IQCH: variants seen among roughly 807,000 people sequenced by gnomAD.
The protein encoded by IQCH is IQ motif containing H.
IQCH carries 98 observed loss-of-function variants against 117.0 expected under a neutral mutation model. The ratio of observed to expected loss-of-function variants is 0.84; its 90% confidence interval spans 0.71 to 0.99. IQCH has a LOEUF of 0.99. Ranked by LOEUF, IQCH falls within the 50% of genes least tolerant of loss-of-function variation. The probability of loss-of-function intolerance (pLI) is 0.00; values close to 1 mark genes in which losing one functional copy is unlikely to be tolerated. For missense variants in IQCH, 1,102 were observed against 1,243.8 expected (o/e 0.89, Z 1.72); for synonymous variants, 412 against 448.2 (o/e 0.92, Z 1.02).
chr15:67,260,009 A>C (rs1965393607), intron 1 of IQCH, among the ~76,000 whole-genome samples: 2 of 152,250 alleles, frequency 1.3e-5, no homozygotes, highest in South Asian at 2.1e-4. Flanking sequence ...AATTGGCTCC[A>C]TGTGAACATT....
rs540782393 is a variant in IQCH at position 67,443,310 on chromosome 15, G to A, written c.2505+21733G>A. Among the ~76,000 whole-genome samples, 1 of 152,274 alleles carries A rather than the reference G, an allele frequency of 6.6e-6. No individual in the cohort carries two copies. The highest frequency in any genetic ancestry group is 1.5e-5 in the Non-Finnish European group (1 of 68,014). The stretch of plus-strand genomic sequence containing the variant: ...CCCAGCCTGGAGACTGTTATTCTAA[G>A]TGAAGTAACTCAGGAATGGAAAACC... On this transcript the variant is annotated intron_variant, in intron 16 of 20. Transcript: ENST00000335894. This position sits in a 1 kb window ranked among gnomAD's most constrained non-coding sequence, Gnocchi z 5.0.
At position 67,476,682 on chromosome 15, in the gene IQCH, T is replaced by C. The variant is rs1056027176; in HGVS notation, c.2799+864T>C. Among the ~76,000 whole-genome samples, 14 of 152,204 alleles carry C rather than the reference T, an allele frequency of 9.2e-5. No homozygotes were observed. Among genetic ancestry groups the C allele is most frequent in the African/African-American group, 3.4e-4 (14 of 41,454 alleles). Reference sequence around the variant, plus strand: ...GCAATGCAACGTCTCCTGCCAAAAATAGAACCTCTGTTTTATGCCTAGAGA... The same window carrying C: ...GCAATGCAACGTCTCCTGCCAAAAACAGAACCTCTGTTTTATGCCTAGAGA... On this transcript the variant is annotated intron_variant, in intron 18 of 20. Coordinates refer to ENST00000335894, the MANE Select transcript of IQCH (RefSeq NM_001031715.3). The surrounding 1 kb of genome is among the most constrained non-coding windows in gnomAD (Gnocchi z 4.1).
Position 67,369,338 on chromosome 15 carries a change from T to TTG in IQCH, c.754-2773_754-2772insTG, listed in dbSNP as rs1970441292. ...TGAATACAGGCATCTCGCAAAGGTA[T>TTG]GATTGTGACCCAAGAAGCACCAGGT... On this transcript the variant is annotated intron_variant, in intron 8 of 20. Coordinates refer to ENST00000335894, the MANE Select transcript of IQCH (RefSeq NM_001031715.3). This position sits in a 1 kb window ranked among gnomAD's most constrained non-coding sequence, Gnocchi z 5.2. 6.6e-6 allele frequency among the ~76,000 whole-genome samples: 1 copy of TTG among 152,110 alleles called. No homozygotes were observed.
rs1299502146 is a variant in IQCH at position 67,417,365 on chromosome 15, A to T, written c.2218+314A>T. 6.6e-6 allele frequency among the ~76,000 whole-genome samples: 1 copy of T among 152,172 alleles called. No individual in the cohort carries two copies. The highest frequency in any genetic ancestry group is 1.9e-4 in the East Asian group (1 of 5,200). ...GGTCTGGACCCCATCCATGACCTTG[A>T]GCAAGGTTCTTAAACCCACCAAGGC... On this transcript the variant is annotated intron_variant, in intron 15 of 20. Transcript: ENST00000335894. This position sits in a 1 kb window ranked among gnomAD's most constrained non-coding sequence, Gnocchi z 4.3.
Position 67,473,470 on chromosome 15 carries a change from A to G in IQCH, c.2677-2226A>G, listed in dbSNP as rs1037791761. ...TGCCCTGAGTTGTCCTTCTCTAAGG[A>G]TGGTGTGACTGTCCCCTGTGCCATG... On this transcript the variant is annotated intron_variant, in intron 17 of 20. Transcript: ENST00000335894. This position sits in a 1 kb window ranked among gnomAD's most constrained non-coding sequence, Gnocchi z 4.9. 6.6e-6 allele frequency among the ~76,000 whole-genome samples: 1 copy of G among 152,216 alleles called. No homozygotes were observed. The highest frequency in any genetic ancestry group is 2.4e-5 in the African/African-American group (1 of 41,452).
chr15:67,263,173 T>A lies in IQCH; in HGVS notation c.226T>A (p.Ser76Thr). 1 of 1,583,302 alleles carries A rather than the reference T, an allele frequency of 6.3e-7. No homozygotes were observed. Among genetic ancestry groups the A allele is most frequent in the Non-Finnish European group, 8.7e-7 (1 of 1,152,072 alleles). The change falls in exon 3 of 21, where the codon TCT becomes ACT. Residue 76 changes from serine (S) to threonine (T), a missense_variant. Coordinates refer to ENST00000335894, the MANE Select transcript of IQCH (RefSeq NM_001031715.3). Reference protein sequence around the residue: ...NVVNQNVLTTSVNDESLYTPQ... With the variant: ...NVVNQNVLTTTVNDESLYTPQ... ...TGTAAACCAGAATGTATTAACGACT[T>A]CTGTTAATGATGAGAGCTTATATAC...
intron 2 of IQCH, among the ~76,000 whole-genome samples, chr15:67,262,500 C>T (rs939238575): frequency 6.6e-6 from 1 of 152,052 alleles, no homozygotes; most frequent in South Asian, 2.1e-4. Context: ...AGGGATGGAC[C>T]CAGCTGGAGT....
rs150493357 is a variant in IQCH at position 67,384,208 on chromosome 15, T to A, written c.1373-728T>A. Among the ~76,000 whole-genome samples the A allele has an allele frequency of 6.6e-6, 1 of 152,266 alleles. No individual in the cohort carries two copies. The highest frequency in any genetic ancestry group is 2.4e-5 in the African/African-American group (1 of 41,566). On this transcript the variant is annotated intron_variant, in intron 10 of 20. Transcript: ENST00000335894. This position sits in a 1 kb window ranked among gnomAD's most constrained non-coding sequence, Gnocchi z 4.3. ...TTGTGAGTATGCATGCTTTTTAAGT[T>A]TATGTTTTGATTCACTTTTTTTAAT...
rs766888054 is a variant in IQCH at position 67,384,837 on chromosome 15, T to C, written c.1373-99T>C. The C allele has an allele frequency of 3.9e-6, 3 of 775,172 alleles. No individual in the cohort carries two copies. Among genetic ancestry groups the C allele is most frequent in the African/African-American group, 1.7e-5 (1 of 57,328 alleles). 48.0% of individuals were successfully genotyped at this position (775,172 alleles called of 1,614,324 possible). ...TGTAAGATGCTTCAGAGAAAATTTT[T>C]TCCTGGAAATATGGACTGTGACATT... is the stretch of plus-strand genomic sequence containing the variant. On this transcript the variant is annotated intron_variant, in intron 10 of 20. Transcript: ENST00000335894. This position sits in a 1 kb window ranked among gnomAD's most constrained non-coding sequence, Gnocchi z 4.3.
chr15:67,293,688 GA>G (rs984263046), intron 4 of IQCH, among the ~76,000 whole-genome samples: 1 of 152,184 alleles, frequency 6.6e-6, no homozygotes, highest in African/African-American at 2.4e-5. Context: ...GTTGGTGAGA[GA>G]AAAGCTGGGA....
At chr15:67,278,683 G>C (rs1417129187) in intron 3 of IQCH, among the ~76,000 whole-genome samples, 1 of 152,212 alleles carries the variant, frequency 6.6e-6, no homozygotes, top group Non-Finnish European at 1.5e-5. Flanking sequence ...AACTCCGTAA[G>C]TTGCTTTTTA....
intron 4 of IQCH, among the ~76,000 whole-genome samples, chr15:67,322,087 C>G (rs1490552361): frequency 1.3e-5 from 2 of 152,118 alleles, no homozygotes; most frequent in Non-Finnish European, 2.9e-5. Flanking sequence ...GAAGATTTGT[C>G]TATTTTTTCC....
intron 4 of IQCH, among the ~76,000 whole-genome samples, chr15:67,314,688 A>G (rs1204523926): frequency 1.3e-5 from 2 of 152,170 alleles, no homozygotes; most frequent in African/African-American, 2.4e-5. Context: ...GGTCCACATT[A>G]CTGGAGTGCT....
In IQCH at chr15:67,344,165, A is replaced by G; in HGVS notation, c.611A>G (p.Asp204Gly). The G allele has an allele frequency of 6.2e-7, 1 of 1,613,758 alleles. No homozygotes were observed. ...AGAGCAGCTCCTCTGCATAGTTTTG[A>G]TGAAGCACGTAAGATTCCAACTGTA... ...TPRAAPLHSF[D>G]EARKIPTVAT... Residue 204 changes from aspartate (D) to glycine (G), a missense_variant, in exon 6 of 21, where the codon GAT becomes GGT. Around this residue, in one of 2 missense-constraint regions of IQCH, gnomAD observed 452 missense variants for 449.6 expected, o/e 1.01. Transcript: ENST00000335894.
In IQCH at chr15:67,342,429, T is replaced by C. The variant is rs1006539388; in HGVS notation, c.509-1634T>C. On this transcript the variant is annotated intron_variant, in intron 5 of 20. Coordinates refer to ENST00000335894, the MANE Select transcript of IQCH (RefSeq NM_001031715.3). This position sits in a 1 kb window ranked among gnomAD's most constrained non-coding sequence, Gnocchi z 4.7. ...TTCCAATAGTAGATGGGCACACATATGTGTTTGTCTGAAATTAGGATAATT... is the reference window on the plus strand; with the variant it reads ...TTCCAATAGTAGATGGGCACACATACGTGTTTGTCTGAAATTAGGATAATT... Among the ~76,000 whole-genome samples, 7 of 152,100 alleles carry C rather than the reference T, an allele frequency of 4.6e-5. No individual in the cohort carries two copies. Among genetic ancestry groups the C allele is most frequent in the Admixed American group, 2.0e-4 (3 of 15,256 alleles).
chr15:67,267,102 T>A (rs777616934), intron 3 of IQCH, among the ~76,000 whole-genome samples: 6 of 152,218 alleles, frequency 3.9e-5, no homozygotes, highest in Non-Finnish European at 5.9e-5. Flanking sequence ...TCAGGTTGCC[T>A]CCAAAGCTGC....
At chr15:67,281,927 C>T (rs1020243851) in intron 4 of IQCH, 1 of 369,412 alleles carries the variant, frequency 2.7e-6, no homozygotes, top group African/African-American at 2.1e-5. Flanking sequence ...AAGCAGCCCT[C>T]TCCTATCTCT....
chr15:67,351,868 A>T (rs1969677185), intron 6 of IQCH, among the ~76,000 whole-genome samples: 1 of 151,816 alleles, frequency 6.6e-6, no homozygotes, highest in African/African-American at 2.4e-5. Flanking sequence ...ATATGTTTTA[A>T]GTCTGTCTTT....
At chr15:67,337,238 C>A in intron 5 of IQCH, 143 bp downstream of exon 5, 1 of 756,280 alleles carries the variant, frequency 1.3e-6, no homozygotes, top group Non-Finnish European at 2.1e-6. Flanking sequence ...TCACTCTGGT[C>A]TGAGTTTCCT....
Sources: gnomAD v4.1 joint callset for allele counts (sites outside exome capture counted in the v4.1 genomes callset) on GRCh38, gnomAD v4.1.1 for gene constraint, gnomAD v4.1.1 regional missense constraint, Gnocchi (gnomAD v3.1) non-coding constraint, MANE v1.5 for transcripts, NCBI Gene and HGNC (gene_info 2026-07-23, HGNC 2026-07-21) for gene names.